Variants in IGSF11 observed in about 807,000 individuals in gnomAD.
IGSF11 encodes CXADR like 1.
IGSF11 carries 22 observed loss-of-function variants against 41.0 expected under a neutral mutation model. That is an observed-to-expected ratio of 0.54 (90% confidence interval 0.38 to 0.77). The LOEUF (loss-of-function observed/expected upper bound fraction) is 0.77. IGSF11 is among the 30% of genes least tolerant of loss of function. IGSF11 has a pLI of 0.00. For synonymous variants in IGSF11, 219 were observed against 201.3 expected, an observed-to-expected ratio of 1.09 and a Z score of -0.74; for missense variants, 444 against 530.8, an observed-to-expected ratio of 0.84 and a Z score of 1.61.
intron 4 of IGSF11, among the ~76,000 whole-genome samples, chr3:118,912,885 G>C (rs1256133561): frequency 6.6e-6 from 1 of 152,170 alleles, no homozygotes; most frequent in African/African-American, 2.4e-5. Context: ...TGTAATCCCA[G>C]CTACTCGGGA....
intron 1 of IGSF11, among the ~76,000 whole-genome samples, chr3:119,016,734 C>T (rs545713036): frequency 1.1e-4 from 16 of 152,282 alleles, no homozygotes; most frequent in African/African-American, 3.6e-4. Context: ...CCTTTCCACA[C>T]GACTATTTCT....
upstream of IGSF11, among the ~76,000 whole-genome samples, chr3:119,108,283 G>C (rs71325363): frequency 0.42 from 55,021 of 131,556 alleles, 11,659 homozygotes; most frequent in East Asian, 0.44. Flanking sequence ...GTTTGTAGTT[G>C]TCCTTGAAGA....
In IGSF11 at chr3:119,141,029, G is replaced by T. The variant is rs557653896; in HGVS notation, c.-14+4784C>A. On this transcript the variant is annotated intron_variant, in intron 1 of 7. Coordinates refer to the IGSF11 transcript ENST00000425327. Reference sequence around the variant, plus strand: ...TTGCACTCCAGCCTGGGCCACAGGAGACTCTGTCTCATTAAAAAAAAAAAA... The same window carrying T: ...TTGCACTCCAGCCTGGGCCACAGGATACTCTGTCTCATTAAAAAAAAAAAA... 2.5e-4 allele frequency among the ~76,000 whole-genome samples: 30 copies of T among 117,992 alleles called. No homozygotes were observed. In the South Asian group the frequency reaches 9.0e-3, roughly 35 times the overall value. The allele number at this position is 117,992 out of a possible 152,430, so 77.4% of individuals were successfully genotyped here. A position where few individuals can be genotyped will look rare whatever the true frequency, so the allele number is the denominator to read the frequency against.
At chr3:119,060,329 A>G (rs1209749975) in intron 1 of IGSF11, among the ~76,000 whole-genome samples, 3 of 152,202 alleles carry the variant, frequency 2.0e-5, no homozygotes, top group Non-Finnish European at 4.4e-5. Context: ...GATCTTTTTA[A>G]ACCAGCAACA....
At chr3:119,104,014 G>GT (rs1438165907) in intron 1 of IGSF11, among the ~76,000 whole-genome samples, 1 of 152,084 alleles carries the variant, frequency 6.6e-6, no homozygotes, top group Non-Finnish European at 1.5e-5. Flanking sequence ...TTACATTTCT[G>GT]TTTTTTGTTC....
chr3:119,031,677 A>G (rs959537559), intron 1 of IGSF11, among the ~76,000 whole-genome samples: 7 of 152,246 alleles, frequency 4.6e-5, no homozygotes. Flanking sequence ...CATGTTGAAT[A>G]TATATGTGTA....
chr3:119,117,646 A>G (rs931793476), intron 1 of IGSF11, among the ~76,000 whole-genome samples: 3 of 152,066 alleles, frequency 2.0e-5, no homozygotes, highest in Non-Finnish European at 4.4e-5. Context: ...TTCAAAACCA[A>G]TCATGCCTTC....
chr3:119,060,908 C>G (rs1274881251), intron 1 of IGSF11, among the ~76,000 whole-genome samples: 1 of 152,002 alleles, frequency 6.6e-6, no homozygotes, highest in East Asian at 1.9e-4. Context: ...AATAGATAAC[C>G]CACTCTTTAA....
chr3:118,911,518 C>T (rs779995941), intron 4 of IGSF11, among the ~76,000 whole-genome samples: 2 of 151,942 alleles, frequency 1.3e-5, no homozygotes, highest in African/African-American at 4.8e-5. Flanking sequence ...CATAGCAAGG[C>T]CCCATCAGGA....
chr3:118,972,418 C>T (rs1425396331), intron 1 of IGSF11, among the ~76,000 whole-genome samples: 1 of 152,162 alleles, frequency 6.6e-6, no homozygotes, highest in Non-Finnish European at 1.5e-5. Context: ...GAGCATTATA[C>T]TTATTATGCT....
At chr3:119,014,439 G>A (rs1436690359) in intron 1 of IGSF11, among the ~76,000 whole-genome samples, 1 of 152,062 alleles carries the variant, frequency 6.6e-6, no homozygotes. Context: ...ATATATCTGT[G>A]TACATTCATG....
rs146907157 is a variant in IGSF11 at position 118,906,796 on chromosome 3, A to G, written c.581-1078T>C. On this transcript the variant is annotated intron_variant, in intron 4 of 6. Coordinates refer to ENST00000393775, the MANE Select transcript of IGSF11 (RefSeq NM_001015887.3). ...TAATAGTTATTAGTATGTTCCAGGC[A>G]TTGGGTAAGCTTTTATATGTATTAT... 9.4e-3 allele frequency among the ~76,000 whole-genome samples: 1,437 copies of G among 152,358 alleles called. 15 individuals are homozygous for G. Among genetic ancestry groups the G allele is most frequent in the Middle Eastern group, 0.027 (8 of 294 alleles).
At position 119,081,497 on chromosome 3, in the gene IGSF11, A is replaced by T. The variant is rs533635733; in HGVS notation, c.49+23647T>A. 2.0e-5 allele frequency among the ~76,000 whole-genome samples: 3 copies of T among 152,310 alleles called. No individual in the cohort carries two copies. In the South Asian group the frequency reaches 6.2e-4, roughly 32 times the overall value. ...TTTGGTACAGTATTTTATATACACTAAGTATGGACTAAATATATATAAAGA... is the reference window on the plus strand; with the variant it reads ...TTTGGTACAGTATTTTATATACACTTAGTATGGACTAAATATATATAAAGA... On this transcript the variant is annotated intron_variant, in intron 1 of 6. Coordinates refer to the IGSF11 transcript ENST00000354673.
At chr3:119,044,424 AC>A (rs1396309460) in intron 1 of IGSF11, among the ~76,000 whole-genome samples, 12 of 151,972 alleles carry the variant, frequency 7.9e-5, no homozygotes, top group Admixed American at 7.9e-4. Flanking sequence ...ATGTTAAATG[AC>A]CAAACATAAG....
intron 1 of IGSF11, among the ~76,000 whole-genome samples, chr3:118,950,828 C>G (rs1944519699): frequency 6.6e-6 from 1 of 152,094 alleles, no homozygotes; most frequent in South Asian, 2.1e-4. Context: ...AGTCACCAAA[C>G]CAAGAGCTTT....
intron 1 of IGSF11, among the ~76,000 whole-genome samples, chr3:119,111,308 C>A (rs1438233170): frequency 1.3e-5 from 2 of 152,136 alleles, no homozygotes; most frequent in Non-Finnish European, 2.9e-5. Context: ...TCTTTTTTCT[C>A]TAAACTTCCC....
chr3:119,142,720 A>T (rs1339470888), intron 1 of IGSF11, among the ~76,000 whole-genome samples: 2 of 152,186 alleles, frequency 1.3e-5, no homozygotes, highest in East Asian at 1.9e-4. Flanking sequence ...CAAATTTGAT[A>T]AAAGAAATGA....
At position 118,928,673 on chromosome 3, in the gene IGSF11, C is replaced by G. The variant is rs145433873; in HGVS notation, c.260G>C (p.Arg87Pro). The G allele has an allele frequency of 6.2e-7, 1 of 1,613,924 alleles. No homozygotes were observed. The highest frequency in any genetic ancestry group is 1.7e-5 in the Admixed American group (1 of 59,988). The change falls in exon 3 of 7, where the codon CGG (arginine) becomes CCG (proline). Residue 87 changes from arginine to proline, a missense_variant. Transcript: ENST00000393775. ...TGTAAATCCTACCCTACCGTGGAAC[C>G]GGGGGGCACCATCAAACATCTGTCC... ...QGGQMFDGAP[R>P]FHGRVGFTGT...
intron 1 of IGSF11, among the ~76,000 whole-genome samples, chr3:118,935,032 A>T (rs1002885409): frequency 4.6e-5 from 7 of 151,698 alleles, no homozygotes; most frequent in Non-Finnish European, 8.8e-5. Flanking sequence ...AAAAGCCCTG[A>T]CCTCTCAGTC....
Sources: gnomAD v4.1 joint callset for allele counts (sites outside exome capture counted in the v4.1 genomes callset) on GRCh38, gnomAD v4.1.1 for gene constraint, MANE v1.5 for transcripts, NCBI Gene and HGNC (gene_info 2026-07-23, HGNC 2026-07-21) for gene names.